The following GLIS3 variants were observed in gnomAD, a reference collection of about 807,000 sequenced individuals.
GLIS3 encodes GLIS family zinc finger 3, also known as zinc finger protein GLIS3.
GLIS3 carries 53 observed loss-of-function variants against 78.6 expected under a neutral mutation model. The ratio of observed to expected loss-of-function variants is 0.67; its 90% CI spans 0.54 to 0.85. The LOEUF (loss-of-function observed/expected upper bound fraction) is 0.85. Ranked by LOEUF, GLIS3 falls within the 40% of genes least tolerant of loss-of-function variation. GLIS3 has a pLI of 0.00. For synonymous variants in GLIS3, 684 were observed against 509.9 expected (o/e 1.34, Z -4.60); for missense variants, 1,703 against 1,231.1 (o/e 1.38, Z -5.74).
At chr9:3,887,229 CT>C (rs1822140594) in intron 7 of GLIS3, among the ~76,000 whole-genome samples, 1 of 152,110 alleles carries the variant, frequency 6.6e-6, no homozygotes, top group African/African-American at 2.4e-5. Flanking sequence ...GGCTGTCAGA[CT>C]AAAATGACAC....
intron 7 of GLIS3, 40 bp from the exon 8 acceptor site, chr9:3,879,635 A>T (rs756182023): frequency 6.2e-7 from 1 of 1,610,490 alleles, no homozygotes; most frequent in South Asian, 1.1e-5. Context: ...CGTGCCCCAA[A>T]GGAAGCCCAC....
At chr9:3,938,464 G>C (rs1826020888) in intron 4 of GLIS3, among the ~76,000 whole-genome samples, 1 of 152,118 alleles carries the variant, frequency 6.6e-6, no homozygotes, top group African/African-American at 2.4e-5. Context: ...GTTCACAACA[G>C]AATGATCTAG....
chr9:4,435,605 T>A, the GLIS3 span, among the ~76,000 whole-genome samples: 1 of 152,346 alleles, frequency 6.6e-6, no homozygotes, highest in South Asian at 2.1e-4. Flanking sequence ...CTGAAAAGAC[T>A]GTTATATTTA....
intron 2 of GLIS3, among the ~76,000 whole-genome samples, chr9:4,343,452 T>C (rs1303649215): frequency 2.6e-5 from 4 of 152,226 alleles, no homozygotes; most frequent in Non-Finnish European, 4.4e-5. Context: ...GGAATGCTTA[T>C]ACACTGCTGG....
chr9:3,953,821 A>ATCTATC (rs1563886816), intron 4 of GLIS3, among the ~76,000 whole-genome samples: 1 of 141,988 alleles, frequency 7.0e-6, no homozygotes, highest in African/African-American at 2.6e-5. Context: ...ATATATATAT[A>ATCTATC]TCTTCTCCAT....
At chr9:3,878,380 A>T (rs1014745679) in intron 8 of GLIS3, among the ~76,000 whole-genome samples, 1 of 152,252 alleles carries the variant, frequency 6.6e-6, no homozygotes, top group African/African-American at 2.4e-5. Context: ...TCTGACACAT[A>T]GAAGGTATTC....
chr9:4,453,267 C>G, the GLIS3 span, among the ~76,000 whole-genome samples: 1 of 139,062 alleles, frequency 7.2e-6, no homozygotes, highest in African/African-American at 2.6e-5. Context: ...GACTTCATGT[C>G]TAAAACACCA....
At chr9:4,270,943 C>G (rs1316933328) in intron 2 of GLIS3, among the ~76,000 whole-genome samples, 2 of 149,094 alleles carry the variant, frequency 1.3e-5, no homozygotes, top group African/African-American at 2.5e-5. Context: ...GTATACACAA[C>G]TGACCCTTGA....
intron 2 of GLIS3, among the ~76,000 whole-genome samples, chr9:4,258,447 T>C (rs182089954): frequency 3.0e-4 from 46 of 152,358 alleles, no homozygotes; most frequent in Admixed American, 1.8e-3. Flanking sequence ...GTCAGAGAAC[T>C]GGCCTGCTAG....
intron 7 of GLIS3, among the ~76,000 whole-genome samples, chr9:3,893,885 A>G (rs1039221873): frequency 1.3e-5 from 2 of 152,218 alleles, no homozygotes; most frequent in Non-Finnish European, 2.9e-5. Flanking sequence ...GGACTGGCTC[A>G]GGACTAGAGG....
chr9:4,006,686 G>A (rs1301477426), intron 4 of GLIS3, among the ~76,000 whole-genome samples: 1 of 152,198 alleles, frequency 6.6e-6, no homozygotes, highest in Non-Finnish European at 1.5e-5. Flanking sequence ...ACTTGCCTAA[G>A]TTTATTTAAC....
At chr9:4,345,431 T>G (rs12376666) in intron 2 of GLIS3, among the ~76,000 whole-genome samples, 37,194 of 152,100 alleles carry the variant, frequency 0.24, 4,996 homozygotes, top group East Asian at 0.36. Flanking sequence ...ATCTGTTTAT[T>G]GTCTGGCTCT....
chr9:4,483,723 GA>G, the GLIS3 span, among the ~76,000 whole-genome samples: 4,194 of 108,576 alleles, frequency 0.039, 76 homozygotes, highest in South Asian at 0.1. Flanking sequence ...TTCGTCTTGG[GA>G]AAAAAAAAAA....
At chr9:4,335,615 C>A (rs1186305779) in intron 2 of GLIS3, among the ~76,000 whole-genome samples, 1 of 152,186 alleles carries the variant, frequency 6.6e-6, no homozygotes, top group Non-Finnish European at 1.5e-5. Flanking sequence ...CACCTGGCAT[C>A]TCACCTGTAG....
the GLIS3 span, among the ~76,000 whole-genome samples, chr9:4,487,953 A>T: frequency 6.6e-6 from 1 of 152,102 alleles, no homozygotes; most frequent in African/African-American, 2.4e-5. Flanking sequence ...CAGCCTCCCA[A>T]ACTGCTGGGA....
intron 4 of GLIS3, among the ~76,000 whole-genome samples, chr9:4,091,020 G>C (rs1829452246): frequency 3.9e-5 from 6 of 152,158 alleles, no homozygotes. Context: ...AAAGGGGGAT[G>C]ATGATATCCA....
the GLIS3 span, among the ~76,000 whole-genome samples, chr9:4,392,171 C>G: frequency 2.0e-5 from 3 of 151,860 alleles, no homozygotes; most frequent in African/African-American, 7.3e-5. Context: ...AGCACAAGTT[C>G]TCACTCATCG....
At chr9:3,990,531 G>A (rs1004530697) in intron 4 of GLIS3, among the ~76,000 whole-genome samples, 4 of 152,182 alleles carry the variant, frequency 2.6e-5, no homozygotes, top group South Asian at 2.1e-4. Context: ...TGTGGCATGC[G>A]AAAGAAGTTC....
chr9:3,862,979 A>C (rs1163024291), intron 8 of GLIS3, among the ~76,000 whole-genome samples: 8 of 152,238 alleles, frequency 5.3e-5, no homozygotes, highest in Admixed American at 4.6e-4. Flanking sequence ...TCATCTGTGC[A>C]AACTAATCAA....
Sources: gnomAD v4.1 joint callset for allele counts (sites outside exome capture counted in the v4.1 genomes callset) on GRCh38, gnomAD v4.1.1 for gene constraint, MANE v1.5 for transcripts, NCBI Gene and HGNC (gene_info 2026-07-23, HGNC 2026-07-21) for gene names.